The following BMP2K variants were observed in gnomAD, a reference collection of about 807,000 sequenced individuals.
The protein encoded by BMP2K is BMP2 inducible kinase, also known as BMP-2-inducible protein kinase.
Under a neutral mutation model 116.0 loss-of-function variants are expected in BMP2K, and 74 were observed. The observed-to-expected ratio is 0.64, with a 90% CI of 0.53 to 0.77. The LOEUF is 0.77. BMP2K is among the 30% of genes least tolerant of loss of function. The pLI, the probability that BMP2K is intolerant of heterozygous loss-of-function variation, is 0.00. For synonymous variants in BMP2K, 486 were observed against 502.5 expected, an observed-to-expected ratio of 0.97 and a Z score of 0.44; for missense variants, 1,365 against 1,403.6, an observed-to-expected ratio of 0.97 and a Z score of 0.44.
chr4:78,857,198 C>G (rs1034002950), intron 7 of BMP2K, among the ~76,000 whole-genome samples: 2 of 152,020 alleles, frequency 1.3e-5, no homozygotes, highest in Non-Finnish European at 2.9e-5. Context: ...TTCTGTTCTT[C>G]TTTATTAAAA....
Position 78,776,356 on chromosome 4 carries a change from A to C in BMP2K, c.-188A>C, listed in dbSNP as rs1170042094. 5 of 453,236 alleles carry C rather than the reference A, an allele frequency of 1.1e-5. No homozygotes were observed. The highest frequency in any genetic ancestry group is 1.0e-4 in the East Asian group (1 of 9,606). 28.1% of individuals were successfully genotyped at this position (453,236 alleles called of 1,614,324 possible). A position where few individuals can be genotyped will look rare whatever the true frequency, so the allele number is the denominator to read the frequency against. On this transcript the variant is annotated 5_prime_UTR_variant, in exon 1 of 16. Coordinates refer to ENST00000502613, the MANE Select transcript of BMP2K (RefSeq NM_198892.2). ...CCCTCTGCGGGAGCCGGGCAGCTGC[A>C]GCGGAGCCGCGGAGCGGGCGGCGGG...
At chr4:78,861,614 C>T (rs904113878) in intron 9 of BMP2K, 146 bp downstream of exon 9, 1 of 671,570 alleles carries the variant, frequency 1.5e-6, no homozygotes, top group East Asian at 2.8e-5. Context: ...ATTGAGATAG[C>T]AAATACAAAA....
chr4:78,875,438 A>G (rs1014158556), intron 13 of BMP2K, among the ~76,000 whole-genome samples: 2 of 152,200 alleles, frequency 1.3e-5, no homozygotes, highest in Admixed American at 6.5e-5. Flanking sequence ...TATCTTTAGT[A>G]TGAATATCAG....
intron 15 of BMP2K, among the ~76,000 whole-genome samples, chr4:78,907,266 CT>C (rs1180301416): frequency 6.6e-6 from 1 of 152,046 alleles, no homozygotes; most frequent in Admixed American, 6.6e-5. Flanking sequence ...ATTAATACAA[CT>C]TTGATAAATG....
chr4:78,829,634 T>G (rs2110004829), intron 2 of BMP2K, among the ~76,000 whole-genome samples: 1 of 152,268 alleles, frequency 6.6e-6, no homozygotes, highest in East Asian at 1.9e-4. Flanking sequence ...GAGAAGTCAT[T>G]ATTTATGGCA....
At position 78,878,795 on chromosome 4, in the gene BMP2K, C is replaced by G; in HGVS notation, c.1855C>G (p.Pro619Ala). 1 of 1,613,138 alleles carries G rather than the reference C, an allele frequency of 6.2e-7. No homozygotes were observed. The highest frequency in any genetic ancestry group is 8.5e-7 in the Non-Finnish European group (1 of 1,179,686). Residue 619 changes from proline to alanine, a missense_variant, in exon 14 of 16, where the codon CCT becomes GCT. Physicochemically the swap from Pro to Ala is conservative, Grantham distance 27 (BLOSUM62 -1). Transcript: ENST00000502613. The part of the protein sequence containing the change: ...FTNQKNISNP[P>A]DMSGWNPFGE... ...AAATCAGAAGAACATCAGCAATCCACCTGATATGTCAGGGTGGAATCCTTT... is the reference window on the plus strand; with the variant it reads ...AAATCAGAAGAACATCAGCAATCCAGCTGATATGTCAGGGTGGAATCCTTT...
chr4:78,784,766 CT>C (rs1356303112), intron 1 of BMP2K, among the ~76,000 whole-genome samples: 1 of 152,164 alleles, frequency 6.6e-6, no homozygotes, highest in Non-Finnish European at 1.5e-5. Flanking sequence ...TTGGACGCAT[CT>C]ATCGGGGAAA....
intron 1 of BMP2K, among the ~76,000 whole-genome samples, chr4:78,814,543 A>G (rs931465671): frequency 6.6e-6 from 1 of 151,920 alleles, no homozygotes; most frequent in Non-Finnish European, 1.5e-5. Flanking sequence ...ACAAGATCTG[A>G]TGGTTTTATA....
chr4:78,897,240 CAT>C (rs1376036788), intron 15 of BMP2K, among the ~76,000 whole-genome samples: 1 of 151,670 alleles, frequency 6.6e-6, no homozygotes, highest in African/African-American at 2.4e-5. Context: ...AAGAAAATAA[CAT>C]AACATCTTGG....
chr4:78,872,762 T>C lies in BMP2K; in HGVS notation c.1757T>C (p.Val586Ala), dbSNP rs148579206. ...VSYTSSLPAQ[V>A]GTIMDSSYSA... Reference sequence around the variant, plus strand: ...TACACTTCATCACTTCCAGCTCAGGTTGGAACCATAATGGACTCCTCCTAT... The same window carrying C: ...TACACTTCATCACTTCCAGCTCAGGCTGGAACCATAATGGACTCCTCCTAT... The change falls in exon 13 of 16, where the codon GTT becomes GCT. Residue 586 changes from valine to alanine, a missense_variant. Around this residue, in one of 3 missense-constraint regions of BMP2K, gnomAD observed 762 missense variants for 756.7 expected, o/e 1.01. Transcript: ENST00000502613. The C allele has an allele frequency of 9.2e-5, 149 of 1,614,052 alleles. No individual in the cohort carries two copies. Among genetic ancestry groups the C allele is most frequent in the Non-Finnish European group, 1.2e-4 (142 of 1,179,994 alleles).
intron 3 of BMP2K, among the ~76,000 whole-genome samples, chr4:78,841,227 G>A (rs1009129871): frequency 6.6e-6 from 1 of 152,166 alleles, no homozygotes; most frequent in Non-Finnish European, 1.5e-5. Context: ...CTCATAGATT[G>A]TAAAATAGCA....
chr4:78,835,450 CCT>C (rs914628384), intron 3 of BMP2K, among the ~76,000 whole-genome samples: 8 of 151,748 alleles, frequency 5.3e-5, no homozygotes, highest in Admixed American at 5.3e-4. Context: ...ACGGTGAAAC[CCT>C]GTCTCTACTA....
intron 1 of BMP2K, among the ~76,000 whole-genome samples, chr4:78,784,084 G>T (rs1018990961): frequency 6.6e-6 from 1 of 150,512 alleles, no homozygotes; most frequent in African/African-American, 2.5e-5. Context: ...AAAGTGAGAC[G>T]GATGTCCTTA....
chr4:78,914,874 A>G lies in BMP2K; in HGVS notation c.*2841A>G, dbSNP rs1734912113. 1.3e-5 allele frequency: 2 copies of G among 151,992 alleles called. No homozygotes were observed. The highest frequency in any genetic ancestry group is 4.8e-5 in the African/African-American group (2 of 41,420). The allele number at this position is 151,992 out of a possible 1,614,324, so 9.4% of individuals were successfully genotyped here. A position where few individuals can be genotyped will look rare whatever the true frequency, so the allele number is the denominator to read the frequency against. The stretch of plus-strand genomic sequence containing the variant: ...TGAAGCTAGCAAAAATCTTGAGGCC[A>G]AAGTTGTTTCTTAACAGCTTTAATA... On this transcript the variant is annotated 3_prime_UTR_variant, in exon 16 of 16. Coordinates refer to ENST00000502613, the MANE Select transcript of BMP2K (RefSeq NM_198892.2).
At chr4:78,846,742 T>A (rs1731022764) in intron 5 of BMP2K, among the ~76,000 whole-genome samples, 1 of 151,614 alleles carries the variant, frequency 6.6e-6, no homozygotes, top group Admixed American at 6.6e-5. Flanking sequence ...GTCAAGGAAG[T>A]ACGTTAGAGT....
In BMP2K at chr4:78,915,488, A is replaced by G. The variant is rs1375610053; in HGVS notation, c.*3455A>G. 1 of 151,834 alleles carries G rather than the reference A, an allele frequency of 6.6e-6. No homozygotes were observed. The highest frequency in any genetic ancestry group is 1.5e-5 in the Non-Finnish European group (1 of 67,850). The allele number at this position is 151,834 out of a possible 1,614,324, so 9.4% of individuals were successfully genotyped here. A position where few individuals can be genotyped will look rare whatever the true frequency, so the allele number is the denominator to read the frequency against. On this transcript the variant is annotated 3_prime_UTR_variant, in exon 16 of 16. Transcript: ENST00000502613. ...TTCTCATTTTTTTTTCTTTTTAGCA[A>G]ACTTGTTATTTTAGGTCCAATTATT... is the stretch of plus-strand genomic sequence containing the variant.
intron 14 of BMP2K, among the ~76,000 whole-genome samples, chr4:78,880,183 C>T (rs1732830073): frequency 6.6e-6 from 1 of 152,222 alleles, no homozygotes. Flanking sequence ...AGCAATTCTC[C>T]TGCCTCAGCC....
chr4:78,914,463 T>C lies in BMP2K; in HGVS notation c.*2430T>C, dbSNP rs1337779442. The C allele has an allele frequency of 6.6e-6, 1 of 151,982 alleles. No homozygotes were observed. Among genetic ancestry groups the C allele is most frequent in the Non-Finnish European group, 1.5e-5 (1 of 67,934 alleles). The allele number at this position is 151,982 out of a possible 1,614,324, so 9.4% of individuals were successfully genotyped here. ...TTGTGTTGTAGTAGAGGCATTTTCCTAAGGAGTATAGATTTATACTTTGCA... is the reference window on the plus strand; with the variant it reads ...TTGTGTTGTAGTAGAGGCATTTTCCCAAGGAGTATAGATTTATACTTTGCA... On this transcript the variant is annotated 3_prime_UTR_variant, in exon 16 of 16. Coordinates refer to ENST00000502613, the MANE Select transcript of BMP2K (RefSeq NM_198892.2).
intron 1 of BMP2K, among the ~76,000 whole-genome samples, chr4:78,789,918 G>C (rs934417673): frequency 1.3e-5 from 2 of 152,180 alleles, no homozygotes. Context: ...CCGAGTTCAA[G>C]GTTATGGCGC....
Sources: allele counts gnomAD v4.1 joint callset (sites outside exome capture counted in the v4.1 genomes callset), GRCh38; gene constraint gnomAD v4.1.1; regional missense constraint gnomAD v4.1.1; transcripts MANE v1.5; gene names NCBI Gene and HGNC (gene_info 2026-07-23, HGNC 2026-07-21).